Variants in PSMB2 observed in about 807,000 individuals in gnomAD.
The protein encoded by PSMB2 is proteasome 20S subunit beta 2.
A neutral mutation model predicts 25.7 loss-of-function variants in PSMB2; 13 were observed. That is an observed-to-expected ratio of 0.51 (90% CI 0.33 to 0.80). The LOEUF (loss-of-function observed/expected upper bound fraction) is 0.80. PSMB2 is among the 30% of genes least tolerant of loss of function. The probability of loss-of-function intolerance (pLI) is 0.02; values close to 1 mark genes in which losing one functional copy is unlikely to be tolerated. For missense variants in PSMB2, 202 were observed against 259.0 expected (o/e 0.78, Z 1.51); for synonymous variants, 87 against 96.2 (o/e 0.90, Z 0.56).
At chr1:35,605,081 A>G in intron 5 of PSMB2, 152 bp downstream of exon 5, 1 of 676,382 alleles carries the variant, frequency 1.5e-6, no homozygotes, top group Non-Finnish European at 2.6e-6. Context: ...ATCCACACCA[A>G]ACTCTATCCC....
chr1:35,628,593 AAAAATATATATATATATATAT>A (rs1240725771), intron 3 of PSMB2, among the ~76,000 whole-genome samples: 16 of 27,238 alleles, frequency 5.9e-4, no homozygotes, highest in South Asian at 3.3e-3. Flanking sequence ...AAAAAAAAAA[AAAAATATATATATATATATAT>A]ATATATATAT....
intron 3 of PSMB2, among the ~76,000 whole-genome samples, chr1:35,612,299 T>C (rs1650365791): frequency 6.6e-6 from 1 of 152,020 alleles, no homozygotes; most frequent in African/African-American, 2.4e-5. Flanking sequence ...GGTTTTTTTT[T>C]TTTTAACATG....
chr1:35,614,497 TAG>T (rs1650438001), intron 3 of PSMB2, among the ~76,000 whole-genome samples: 6 of 152,356 alleles, frequency 3.9e-5, no homozygotes, highest in Admixed American at 1.3e-4. Context: ...TCTAATTGTT[TAG>T]ATAGTAAGTC....
Position 35,600,416 on chromosome 1 carries a change from T to C in PSMB2, c.*2851A>G, listed in dbSNP as rs1649955882. ...CAAACATACTGTGGTATATAGAAGATGTTAACATTACAGAAACTGAATAAG... is the reference window on the plus strand; with the variant it reads ...CAAACATACTGTGGTATATAGAAGACGTTAACATTACAGAAACTGAATAAG... On this transcript the variant is annotated 3_prime_UTR_variant, in exon 6 of 6. Coordinates refer to ENST00000373237, the MANE Select transcript of PSMB2 (RefSeq NM_002794.5). 3.6e-6 allele frequency: 3 copies of C among 840,684 alleles called. No individual in the cohort carries two copies. The highest frequency in any genetic ancestry group is 3.7e-5 in the African/African-American group (2 of 54,090). The allele number at this position is 840,684 out of a possible 1,614,324, so 52.1% of individuals were successfully genotyped here.
intron 5 of PSMB2, among the ~76,000 whole-genome samples, chr1:35,604,365 T>C (rs1203720758): frequency 6.6e-6 from 1 of 152,174 alleles, no homozygotes; most frequent in Non-Finnish European, 1.5e-5. Flanking sequence ...CCTAGTTGCT[T>C]TCTATGGTCC....
At position 35,609,243 on chromosome 1, in the gene PSMB2, T is replaced by C. The variant is rs756113032; in HGVS notation, c.448+3A>G. The C allele has an allele frequency of 1.3e-6, 2 of 1,588,488 alleles. No homozygotes were observed. The highest frequency in any genetic ancestry group is 1.7e-6 in the Non-Finnish European group (2 of 1,165,970). On this transcript the variant is annotated splice_donor_region_variant and intron_variant, in intron 4 of 5. Transcript: ENST00000373237. ...GCTCCCTCCCTAGAGTATTAATACT[T>C]ACTCGGTGTGTAGTATCGGTCGAGG...
rs1012540523 is a variant in PSMB2 at position 35,599,756 on chromosome 1, G to A, written c.*3511C>T. ...TGGAGAAAGACCTGGAGAGGGAAGA[G>A]ATTAAAAGTAGAGTGAAGTTAGGAG... is the stretch of plus-strand genomic sequence containing the variant. On this transcript the variant is annotated 3_prime_UTR_variant, in exon 6 of 6. Coordinates refer to ENST00000373237, the MANE Select transcript of PSMB2 (RefSeq NM_002794.5). 4.1e-6 allele frequency: 4 copies of A among 983,220 alleles called. No homozygotes were observed. In the African/African-American group the frequency reaches 7.0e-5, roughly 17 times the overall value. The allele number at this position is 983,220 out of a possible 1,614,324, so 60.9% of individuals were successfully genotyped here. A position where few individuals can be genotyped will look rare whatever the true frequency, so the allele number is the denominator to read the frequency against.
intron 3 of PSMB2, among the ~76,000 whole-genome samples, chr1:35,623,087 A>G (rs1650740734): frequency 6.6e-6 from 1 of 152,224 alleles, no homozygotes; most frequent in South Asian, 2.1e-4. Context: ...TTCAAGGCAC[A>G]TCTGTCTCTG....
chr1:35,628,800 T>C lies in PSMB2; in HGVS notation c.285+2474A>G, dbSNP rs140642338. Among the ~76,000 whole-genome samples, 5 of 151,380 alleles carry C rather than the reference T, an allele frequency of 3.3e-5. No individual in the cohort carries two copies. The East Asian group carries it at 9.7e-4, about 29-fold the overall frequency. ...GGTCAAAGCTAGCACTGAGAGGTAC[T>C]ATTTATTGAGAAATTATCAGTCAAA... On this transcript the variant is annotated intron_variant, in intron 3 of 5. Transcript: ENST00000373237.
At chr1:35,631,368 T>C (rs541101671) in intron 2 of PSMB2, 24 bp from the exon 3 acceptor site, 7 of 1,612,432 alleles carry the variant, frequency 4.3e-6, no homozygotes, top group East Asian at 2.2e-5. Flanking sequence ...TAAAGAGTCA[T>C]ACTTAAAGTA....
intron 3 of PSMB2, among the ~76,000 whole-genome samples, chr1:35,612,902 A>G (rs1162435029): frequency 6.6e-6 from 1 of 152,262 alleles, no homozygotes; most frequent in East Asian, 1.9e-4. Flanking sequence ...AATTGTTTAG[A>G]ACAATAAATG....
At chr1:35,637,183 A>C (rs1011620233) in intron 1 of PSMB2, among the ~76,000 whole-genome samples, 3 of 152,236 alleles carry the variant, frequency 2.0e-5, no homozygotes, top group Non-Finnish European at 1.5e-5. Context: ...TACACATACA[A>C]AAGCATATAT....
At chr1:35,634,800 A>C (rs1246072291) in intron 2 of PSMB2, among the ~76,000 whole-genome samples, 1 of 151,666 alleles carries the variant, frequency 6.6e-6, no homozygotes, top group African/African-American at 2.4e-5. Context: ...TTGGTTTAAA[A>C]AAATTTTTTT....
chr1:35,628,623 A>ATTTTTTT (rs1191897243), intron 3 of PSMB2, among the ~76,000 whole-genome samples: 2 of 46,480 alleles, frequency 4.3e-5, no homozygotes, highest in South Asian at 1.4e-3. Flanking sequence ...ATATATATAT[A>ATTTTTTT]TATATATATT....
intron 1 of PSMB2, among the ~76,000 whole-genome samples, chr1:35,636,699 T>C (rs5008745): frequency 0.015 from 2,278 of 152,312 alleles, 62 homozygotes; most frequent in African/African-American, 0.051. Context: ...ATAGCACTTA[T>C]GTCATATTAA....
rs190385199 is a variant in PSMB2 at position 35,636,826 on chromosome 1, C to G, written c.92-394G>C. ...AAGCATCTATGGATTTGGGTATCTG[C>G]AGGGGTTCTGGAACCAATCCCTACA... On this transcript the variant is annotated intron_variant, in intron 1 of 5. Coordinates refer to ENST00000373237, the MANE Select transcript of PSMB2 (RefSeq NM_002794.5). 1.7e-3 allele frequency among the ~76,000 whole-genome samples: 266 copies of G among 152,218 alleles called. 1 individual carries two copies. The highest frequency in any genetic ancestry group is 5.5e-3 in the African/African-American group (228 of 41,534).
intron 1 of PSMB2, among the ~76,000 whole-genome samples, chr1:35,640,515 A>G (rs1184553775): frequency 6.6e-6 from 1 of 152,352 alleles, no homozygotes; most frequent in Middle Eastern, 3.4e-3. Context: ...AAACTGGAAA[A>G]GAAGAATCGG....
At position 35,635,482 on chromosome 1, in the gene PSMB2, T is replaced by C. The variant is rs191934749; in HGVS notation, c.214+828A>G. The stretch of plus-strand genomic sequence containing the variant: ...TCTAGGATTTTTGTAGAAAATCTTT[T>C]ATGAAGGATTAGAATCTTTAGGGTC... On this transcript the variant is annotated intron_variant, in intron 2 of 5. Coordinates refer to ENST00000373237, the MANE Select transcript of PSMB2 (RefSeq NM_002794.5). Among the ~76,000 whole-genome samples, 35 of 152,112 alleles carry C rather than the reference T, an allele frequency of 2.3e-4. No homozygotes were observed. The East Asian group carries it at 6.6e-3, about 29-fold the overall frequency.
intron 3 of PSMB2, among the ~76,000 whole-genome samples, chr1:35,613,032 A>C (rs1473390016): frequency 2.0e-5 from 3 of 152,272 alleles, no homozygotes; most frequent in Non-Finnish European, 2.9e-5. Flanking sequence ...TAGGCATCTG[A>C]CGCACACATA....
Sources: allele counts gnomAD v4.1 joint callset (sites outside exome capture counted in the v4.1 genomes callset), GRCh38; gene constraint gnomAD v4.1.1; transcripts MANE v1.5; gene names NCBI Gene and HGNC (gene_info 2026-07-23, HGNC 2026-07-21).